SETD7: variants seen among roughly 807,000 people sequenced by gnomAD.
SETD7 encodes the protein SET domain containing 7, histone lysine methyltransferase.
SETD7 carries 16 observed loss-of-function variants against 41.8 expected under a neutral mutation model. That is an observed-to-expected ratio of 0.38 (90% confidence interval 0.26 to 0.58). The LOEUF is 0.58. Among genes scored for constraint, SETD7 ranks in the 20% least tolerant of loss-of-function variants. The probability of loss-of-function intolerance (pLI) is 0.64; values close to 1 mark genes in which losing one functional copy is unlikely to be tolerated. For synonymous variants in SETD7, 163 were observed against 169.7 expected (o/e 0.96, Z 0.31); for missense variants, 346 against 459.7 (o/e 0.75, Z 2.26).
intron 6 of SETD7, among the ~76,000 whole-genome samples, chr4:139,519,912 T>G (rs1560679640): frequency 6.6e-6 from 1 of 152,222 alleles, no homozygotes; most frequent in Non-Finnish European, 1.5e-5. Flanking sequence ...ATGTAGGATA[T>G]AGTATAGCAT....
At chr4:139,513,364 G>A (rs1726934029) in intron 7 of SETD7, among the ~76,000 whole-genome samples, 1 of 150,844 alleles carries the variant, frequency 6.6e-6, no homozygotes, top group African/African-American at 2.4e-5. Context: ...AGATTGCAGT[G>A]AGCTGAGATT....
At position 139,511,445 on chromosome 4, in the gene SETD7, A is replaced by G. The variant is rs1016303235; in HGVS notation, c.*218T>C. 5.9e-6 allele frequency: 4 copies of G among 679,462 alleles called. No individual in the cohort carries two copies. The Admixed American group carries it at 1.1e-4, about 18-fold the overall frequency. The allele number at this position is 679,462 out of a possible 1,614,324, so 42.1% of individuals were successfully genotyped here. A position where few individuals can be genotyped will look rare whatever the true frequency, so the allele number is the denominator to read the frequency against. ...TGTCTTATGTCAAATGCTCGACAAT[A>G]CCTCTCAGTAGGACGTTGTTGCAAG... On this transcript the variant is annotated 3_prime_UTR_variant, in exon 8 of 8. Coordinates refer to ENST00000274031, the MANE Select transcript of SETD7 (RefSeq NM_030648.4).
intron 4 of SETD7, among the ~76,000 whole-genome samples, chr4:139,526,840 C>T (rs1349016186): frequency 3.9e-5 from 6 of 152,216 alleles, no homozygotes; most frequent in African/African-American, 1.2e-4. Flanking sequence ...TCCCTTGTTT[C>T]GAGCCTCCTC....
chr4:139,503,606 C>G (rs6831621), downstream of SETD7, among the ~76,000 whole-genome samples: 1 of 145,894 alleles, frequency 6.9e-6, no homozygotes, highest in Non-Finnish European at 1.5e-5. Context: ...CTTTGTAAAC[C>G]CCCCTCTACA....
rs1726834742 is a variant in SETD7, at chr4:139,510,306, G to A, written c.*1357C>T. 6.6e-6 allele frequency: 1 copy of A among 152,174 alleles called. No homozygotes were observed. The highest frequency in any genetic ancestry group is 2.4e-5 in the African/African-American group (1 of 41,434). The allele number at this position is 152,174 out of a possible 1,614,324, so 9.4% of individuals were successfully genotyped here. ...CATCGAGGTGTCTAAAAGAGACAAA[G>A]CTATGGCATGTGGTGAGGGTGCTTA... On this transcript the variant is annotated 3_prime_UTR_variant, in exon 8 of 8. Coordinates refer to ENST00000274031, the MANE Select transcript of SETD7 (RefSeq NM_030648.4).
chr4:139,523,413 C>T lies in SETD7; in HGVS notation c.585G>A (p.Lys195=). ...TGGTAGAAATGCAAGATGAAGTCGA[C>T]TTATCAAAGTGGTACACTGAATCTG... is the stretch of plus-strand genomic sequence containing the variant. The part of the protein sequence containing the change: ...MPGNSVYHFD[K]STSSCISTNA... Residue 195 remains lysine (K), a synonymous_variant, in exon 5 of 8, where the codon AAG becomes AAA. Coordinates refer to ENST00000274031, the MANE Select transcript of SETD7 (RefSeq NM_030648.4). 1 of 1,613,338 alleles carries T rather than the reference C, an allele frequency of 6.2e-7. No individual in the cohort carries two copies. The highest frequency in any genetic ancestry group is 1.1e-5 in the South Asian group (1 of 90,982).
At chr4:139,518,133 T>C in intron 6 of SETD7, 91 bp from the exon 7 acceptor site, 1 of 1,374,982 alleles carries the variant, frequency 7.3e-7, no homozygotes, top group Non-Finnish European at 9.6e-7. Context: ...ATCTTATTAT[T>C]ATTTTTGTTT....
intron 1 of SETD7, among the ~76,000 whole-genome samples, chr4:139,552,591 C>T (rs1308782577): frequency 6.6e-6 from 1 of 152,186 alleles, no homozygotes; most frequent in Admixed American, 6.5e-5. Flanking sequence ...ACAGTCCATG[C>T]TCTCAGCCTG....
intron 5 of SETD7, among the ~76,000 whole-genome samples, chr4:139,523,054 T>C (rs1350532636): frequency 6.6e-6 from 1 of 152,084 alleles, no homozygotes; most frequent in Non-Finnish European, 1.5e-5. Flanking sequence ...ATGCCTGGCC[T>C]CAACTGCTCT....
chr4:139,509,665 TC>T lies in SETD7; in HGVS notation c.*1997del, dbSNP rs1726815694. ...CCATCTTTCTCCTGAAGACAGTCAC[TC>T]CCTTTGGGCACATTTAAATTAAAGC... is the stretch of plus-strand genomic sequence containing the variant. On this transcript the variant is annotated 3_prime_UTR_variant, in exon 8 of 8. Transcript: ENST00000274031. 1.0e-6 allele frequency: 1 copy of T among 981,164 alleles called. No individual in the cohort carries two copies. 60.8% of individuals were successfully genotyped at this position (981,164 alleles called of 1,614,324 possible). A position where few individuals can be genotyped will look rare whatever the true frequency, so the allele number is the denominator to read the frequency against.
intron 7 of SETD7, among the ~76,000 whole-genome samples, chr4:139,513,460 A>G (rs1322225177): frequency 2.0e-5 from 3 of 151,550 alleles, no homozygotes; most frequent in East Asian, 3.9e-4. Context: ...TGCTTGGGGC[A>G]TGATAGTAAG....
At chr4:139,528,913 T>A (rs531571533) in intron 4 of SETD7, 118 bp downstream of exon 4, 1 of 888,582 alleles carries the variant, frequency 1.1e-6, no homozygotes, top group East Asian at 2.5e-5. Flanking sequence ...AAAACCTGAC[T>A]AATAAACACG....
At chr4:139,546,681 A>T in intron 2 of SETD7, 1 of 520,222 alleles carries the variant, frequency 1.9e-6, no homozygotes, top group Non-Finnish European at 3.4e-6. Context: ...CAAATCTGGT[A>T]TCTTTTGGCC....
At chr4:139,526,818 C>T (rs1193077013) in intron 4 of SETD7, among the ~76,000 whole-genome samples, 1 of 152,180 alleles carries the variant, frequency 6.6e-6, no homozygotes. Context: ...CTGGCATCAC[C>T]AATTGGGATC....
chr4:139,493,516 G>T (rs1726394145), downstream of SETD7, among the ~76,000 whole-genome samples: 1 of 152,020 alleles, frequency 6.6e-6, no homozygotes, highest in South Asian at 2.1e-4. Context: ...GTTTCAGCAG[G>T]GTGATGGCAA....
In SETD7 at chr4:139,506,080, C is replaced by T. The variant is rs1403738818; in HGVS notation, c.*5583G>A. On this transcript the variant is annotated 3_prime_UTR_variant, in exon 8 of 8. Coordinates refer to ENST00000274031, the MANE Select transcript of SETD7 (RefSeq NM_030648.4). ...TAATACTTGCATTGTTTCTATAGCG[C>T]AATTATAGCAATCTTTAAATTTACT... 6.6e-6 allele frequency: 1 copy of T among 152,488 alleles called. No individual in the cohort carries two copies. Among genetic ancestry groups the T allele is most frequent in the East Asian group, 1.9e-4 (1 of 5,200 alleles). The allele number at this position is 152,488 out of a possible 1,614,324, so 9.4% of individuals were successfully genotyped here. A position where few individuals can be genotyped will look rare whatever the true frequency, so the allele number is the denominator to read the frequency against.
At chr4:139,525,645 A>G (rs1398520977) in intron 4 of SETD7, among the ~76,000 whole-genome samples, 1 of 152,218 alleles carries the variant, frequency 6.6e-6, no homozygotes, top group Admixed American at 6.5e-5. Context: ...ACAAAAGCAC[A>G]CAGAGAAATG....
chr4:139,521,334 G>A (rs1216542371), intron 5 of SETD7, among the ~76,000 whole-genome samples: 1 of 152,080 alleles, frequency 6.6e-6, no homozygotes, highest in Non-Finnish European at 1.5e-5. Context: ...GCTGAGGCAG[G>A]AGAATCACTT....
At chr4:139,503,791 A>G (rs1726639880), downstream of SETD7, among the ~76,000 whole-genome samples, 1 of 152,094 alleles carries the variant, frequency 6.6e-6, no homozygotes, top group South Asian at 2.1e-4. Context: ...TCCCTTTCCT[A>G]CTTGCTGGGA....
Sources: gnomAD v4.1 joint callset for allele counts (sites outside exome capture counted in the v4.1 genomes callset) on GRCh38, gnomAD v4.1.1 for gene constraint, MANE v1.5 for transcripts, NCBI Gene and HGNC (gene_info 2026-07-23, HGNC 2026-07-21) for gene names.